PCDH9: variants seen among roughly 807,000 people sequenced by gnomAD.
The protein encoded by PCDH9 is protocadherin-9.
A neutral mutation model predicts 70.6 loss-of-function variants in PCDH9; 24 were observed. That is an observed-to-expected ratio of 0.34 (90% CI 0.25 to 0.48). The LOEUF (loss-of-function observed/expected upper bound fraction) is 0.48. Among genes scored for constraint, PCDH9 ranks in the 20% least tolerant of loss-of-function variants. The pLI is 0.99. For missense variants in PCDH9, 1,281 were observed against 1,503.6 expected, an observed-to-expected ratio of 0.85 and a Z score of 2.45; for synonymous variants, 562 against 558.5, an observed-to-expected ratio of 1.01 and a Z score of -0.09.
At chr13:67,074,686 T>C (rs2085842652) in intron 2 of PCDH9, among the ~76,000 whole-genome samples, 1 of 152,062 alleles carries the variant, frequency 6.6e-6, no homozygotes, top group East Asian at 1.9e-4. Context: ...TGTAAAAATA[T>C]AAAAGTCAAG....
intron 3 of PCDH9, among the ~76,000 whole-genome samples, chr13:66,761,886 G>T (rs2079634360): frequency 6.6e-6 from 1 of 152,048 alleles, no homozygotes; most frequent in Admixed American, 6.6e-5. Flanking sequence ...TTTAGGATCA[G>T]TTACTGATAC....
intron 2 of PCDH9, among the ~76,000 whole-genome samples, chr13:66,944,449 A>G (rs1296767879): frequency 6.6e-6 from 1 of 152,180 alleles, no homozygotes; most frequent in Non-Finnish European, 1.5e-5. Flanking sequence ...GACAGGCACT[A>G]TGCCAACTAT....
At chr13:66,555,617 A>G (rs1440346879) in intron 4 of PCDH9, among the ~76,000 whole-genome samples, 1 of 150,394 alleles carries the variant, frequency 6.6e-6, no homozygotes, top group Non-Finnish European at 1.5e-5. Flanking sequence ...CTCCATTAAA[A>G]CTGGTAGATC....
At chr13:66,752,756 A>G (rs1025125376) in intron 3 of PCDH9, among the ~76,000 whole-genome samples, 4 of 152,240 alleles carry the variant, frequency 2.6e-5, no homozygotes, top group African/African-American at 7.2e-5. Flanking sequence ...ATACAGTAGG[A>G]GCATCTGAAG....
At chr13:66,435,507 G>A (rs1479245351) in intron 4 of PCDH9, among the ~76,000 whole-genome samples, 1 of 152,130 alleles carries the variant, frequency 6.6e-6, no homozygotes, top group Non-Finnish European at 1.5e-5. Context: ...GAGTTTCAAA[G>A]TCACTAATAT....
chr13:66,575,935 T>C (rs943966731), intron 4 of PCDH9, among the ~76,000 whole-genome samples: 3 of 152,112 alleles, frequency 2.0e-5, no homozygotes, highest in Admixed American at 6.6e-5. Flanking sequence ...TATGTTAATT[T>C]TATGTTTTTG....
chr13:66,391,563 CA>C (rs1227182310), intron 4 of PCDH9, among the ~76,000 whole-genome samples: 6 of 152,090 alleles, frequency 3.9e-5, no homozygotes, highest in African/African-American at 1.4e-4. Context: ...GTTAGATTCA[CA>C]AACTCAATGT....
chr13:66,429,158 TACTG>T (rs1232002841), intron 4 of PCDH9, among the ~76,000 whole-genome samples: 11 of 152,046 alleles, frequency 7.2e-5, no homozygotes, highest in African/African-American at 2.6e-4. Flanking sequence ...TTCACTCTGA[TACTG>T]ACTATTGCAA....
chr13:66,630,532 G>T (rs1244818518), intron 4 of PCDH9, among the ~76,000 whole-genome samples: 1 of 152,114 alleles, frequency 6.6e-6, no homozygotes, highest in Non-Finnish European at 1.5e-5. Flanking sequence ...AGTGGGCAGT[G>T]ATTTCTGGAG....
At chr13:67,038,507 T>A (rs1418170149) in intron 2 of PCDH9, among the ~76,000 whole-genome samples, 2 of 152,214 alleles carry the variant, frequency 1.3e-5, no homozygotes, top group Non-Finnish European at 2.9e-5. Context: ...TAATTTTTAA[T>A]GTAATTGCTC....
intron 3 of PCDH9, among the ~76,000 whole-genome samples, chr13:66,829,717 CA>C (rs562176354): frequency 4.5e-3 from 240 of 53,062 alleles, no homozygotes; most frequent in African/African-American, 0.016. Context: ...GACTCCGTCT[CA>C]AAAAAAAAAA....
chr13:66,972,922 C>T (rs2083550160), intron 2 of PCDH9, among the ~76,000 whole-genome samples: 1 of 151,966 alleles, frequency 6.6e-6, no homozygotes, highest in African/African-American at 2.4e-5. Flanking sequence ...CTTTTCTTTG[C>T]CCATGCATTA....
chr13:66,424,957 A>G lies in PCDH9; in HGVS notation c.3341-119929T>C, dbSNP rs539716377. Among the ~76,000 whole-genome samples the G allele has an allele frequency of 2.0e-5, 3 of 152,010 alleles. No homozygotes were observed. The South Asian group carries it at 6.2e-4, about 31-fold the overall frequency. On this transcript the variant is annotated intron_variant, in intron 4 of 4. Transcript: ENST00000377865. ...ACCAGTGATACCTGCAATTATAACTAAAAACAACACATCCAATCAGTTTAT... is the reference window on the plus strand; with the variant it reads ...ACCAGTGATACCTGCAATTATAACTGAAAACAACACATCCAATCAGTTTAT...
chr13:66,357,773 CAAT>C lies in PCDH9; in HGVS notation c.3341-52748_3341-52746del, dbSNP rs201950766. On this transcript the variant is annotated intron_variant, in intron 4 of 4. Coordinates refer to ENST00000377865, the MANE Select transcript of PCDH9 (RefSeq NM_203487.3). ...ATTAAAACCTATGTGTGTGCTCTCA[CAAT>C]AAGTTCTCTGCAGCTGAGAACACAG... Among the ~76,000 whole-genome samples, 39 of 152,154 alleles carry C rather than the reference CAAT, an allele frequency of 2.6e-4. No individual in the cohort carries two copies. In the East Asian group the frequency reaches 5.4e-3, roughly 21 times the overall value.
At chr13:66,999,410 AT>A (rs1381635920) in intron 2 of PCDH9, among the ~76,000 whole-genome samples, 7 of 152,190 alleles carry the variant, frequency 4.6e-5, no homozygotes, top group Non-Finnish European at 1.0e-4. Flanking sequence ...TGTTCTTTGA[AT>A]TTTTAAACTA....
intron 4 of PCDH9, among the ~76,000 whole-genome samples, chr13:66,350,753 G>T (rs570463413): frequency 1.4e-4 from 21 of 152,190 alleles, no homozygotes; most frequent in African/African-American, 4.8e-4. Context: ...ATCATTTCCT[G>T]TTTGGATTAT....
intron 2 of PCDH9, among the ~76,000 whole-genome samples, chr13:67,092,918 C>T (rs545937972): frequency 6.6e-6 from 1 of 151,754 alleles, no homozygotes; most frequent in Non-Finnish European, 1.5e-5. Context: ...GGAATTGCAG[C>T]TTTTAATGGC....
chr13:66,507,035 G>A (rs966194978), intron 4 of PCDH9, among the ~76,000 whole-genome samples: 3 of 152,294 alleles, frequency 2.0e-5, no homozygotes, highest in Admixed American at 1.3e-4. Context: ...TGATTGTTAA[G>A]TCAACAGAAA....
intron 3 of PCDH9, among the ~76,000 whole-genome samples, chr13:66,640,768 T>G (rs1321066782): frequency 3.3e-5 from 5 of 152,234 alleles, no homozygotes; most frequent in Admixed American, 1.3e-4. Flanking sequence ...ATAAGGTTGT[T>G]TAAAAAATGC....
Sources: gnomAD v4.1 joint callset for allele counts (sites outside exome capture counted in the v4.1 genomes callset) on GRCh38, gnomAD v4.1.1 for gene constraint, MANE v1.5 for transcripts, NCBI Gene and HGNC (gene_info 2026-07-23, HGNC 2026-07-21) for gene names.